The following POPDC1 variants were observed in gnomAD, a reference collection of about 807,000 sequenced individuals.
POPDC1 encodes the protein popeye domain cAMP effector 1.
the POPDC1 span, among the ~76,000 whole-genome samples, chr6:105,108,328 A>C: frequency 3.3e-5 from 5 of 152,310 alleles, no homozygotes; most frequent in East Asian, 9.6e-4. Flanking sequence ...AGGCTCTGTA[A>C]GGAAAGTCTC....
chr6:105,114,683 T>G, the POPDC1 span, among the ~76,000 whole-genome samples: 2 of 152,268 alleles, frequency 1.3e-5, no homozygotes, highest in Admixed American at 6.5e-5. Context: ...AGTATTTAAT[T>G]CTTAATTTAG....
At chr6:105,118,149 T>C in the POPDC1 span, among the ~76,000 whole-genome samples, 4 of 152,188 alleles carry the variant, frequency 2.6e-5, no homozygotes, top group African/African-American at 7.2e-5. Context: ...TCCAGTCCTA[T>C]CTGAGCCTCA....
chr6:105,104,573 G>A, the POPDC1 span, among the ~76,000 whole-genome samples: 1 of 152,128 alleles, frequency 6.6e-6, no homozygotes, highest in African/African-American at 2.4e-5. Context: ...TCCCAGTGGG[G>A]CACCACCAGC....
At chr6:105,113,817 A>ATTT in the POPDC1 span, among the ~76,000 whole-genome samples, 11,438 of 47,614 alleles carry the variant, frequency 0.24, 979 homozygotes, top group African/African-American at 0.28. Flanking sequence ...GATGCCTGGC[A>ATTT]TTTTTTTTTT....
chr6:105,108,797 C>G, the POPDC1 span, among the ~76,000 whole-genome samples: 1 of 152,150 alleles, frequency 6.6e-6, no homozygotes, highest in Non-Finnish European at 1.5e-5. Flanking sequence ...ATAATCTCAA[C>G]ATTGTTTATT....
the POPDC1 span, among the ~76,000 whole-genome samples, chr6:105,115,252 A>G: frequency 6.6e-6 from 1 of 152,120 alleles, no homozygotes; most frequent in African/African-American, 2.4e-5. Flanking sequence ...AAGCCCGGCT[A>G]ATTTTTTTTG....
At chr6:105,123,652 A>T in the POPDC1 span, among the ~76,000 whole-genome samples, 1 of 152,152 alleles carries the variant, frequency 6.6e-6, no homozygotes, top group Non-Finnish European at 1.5e-5. Context: ...TGCCTGCCTC[A>T]GCCTCCCAAA....
the POPDC1 span, chr6:105,125,440 C>G: frequency 6.2e-7 from 1 of 1,614,212 alleles, no homozygotes; most frequent in Admixed American, 1.7e-5. Context: ...GTTTTATCCT[C>G]TGCAGCATAA....
the POPDC1 span, among the ~76,000 whole-genome samples, chr6:105,102,483 C>T: frequency 6.6e-6 from 1 of 152,174 alleles, no homozygotes; most frequent in African/African-American, 2.4e-5. Context: ...CAGCCATGAA[C>T]GAGTGGTCAT....
chr6:105,111,735 G>A, the POPDC1 span, among the ~76,000 whole-genome samples: 1,008 of 152,288 alleles, frequency 6.6e-3, 7 homozygotes, highest in Middle Eastern at 0.027. Context: ...ATTTAGCATT[G>A]TGTGGCATGT....
chr6:105,119,235 A>G, the POPDC1 span, among the ~76,000 whole-genome samples: 22 of 150,730 alleles, frequency 1.5e-4, no homozygotes, highest in Non-Finnish European at 2.9e-4. Flanking sequence ...TTTGACTTTC[A>G]GCCCAAATCT....
the POPDC1 span, chr6:105,097,649 G>A: frequency 1.3e-5 from 2 of 152,184 alleles, no homozygotes; most frequent in African/African-American, 4.8e-5. Context: ...TCTGTCTTTG[G>A]GGCCGTGATG....
chr6:105,120,693 A>G, the POPDC1 span, among the ~76,000 whole-genome samples: 1 of 152,190 alleles, frequency 6.6e-6, no homozygotes. Context: ...TTCCAAACCA[A>G]TTCTACAGCC....
chr6:105,121,068 T>C, the POPDC1 span, among the ~76,000 whole-genome samples: 1 of 152,144 alleles, frequency 6.6e-6, no homozygotes, highest in African/African-American at 2.4e-5. Context: ...AGCATGGACA[T>C]ATGCCTGCAA....
the POPDC1 span, among the ~76,000 whole-genome samples, chr6:105,115,424 C>G: frequency 2.0e-5 from 3 of 152,156 alleles, no homozygotes; most frequent in Non-Finnish European, 2.9e-5. Context: ...AGCCAGTGAG[C>G]CACTATTTAA....
chr6:105,101,299 G>GA, the POPDC1 span: 1 of 1,361,240 alleles, frequency 7.3e-7, no homozygotes, highest in Non-Finnish European at 9.7e-7. Context: ...ATTCCAACTG[G>GA]AAAATAAAAC....
chr6:105,135,001 A>T, the POPDC1 span, among the ~76,000 whole-genome samples: 1 of 152,226 alleles, frequency 6.6e-6, no homozygotes, highest in African/African-American at 2.4e-5. Context: ...TGAATCTCGT[A>T]ACTTCTGCAG....
the POPDC1 span, chr6:105,129,406 C>T: frequency 1.2e-6 from 2 of 1,611,694 alleles, no homozygotes; most frequent in East Asian, 4.5e-5. Flanking sequence ...AAAGATACGA[C>T]AGATGCAAAA....
chr6:105,110,267 T>G, the POPDC1 span, among the ~76,000 whole-genome samples: 3 of 152,282 alleles, frequency 2.0e-5, no homozygotes, highest in Non-Finnish European at 4.4e-5. Flanking sequence ...AACAAGTTTA[T>G]GCTCACATTG....
Sources: gnomAD v4.1 joint callset for allele counts (sites outside exome capture counted in the v4.1 genomes callset) on GRCh38, gnomAD v4.1.1 for gene constraint, MANE v1.5 for transcripts, NCBI Gene and HGNC (gene_info 2026-07-23, HGNC 2026-07-21) for gene names.